The following TMEM131 variants were observed in gnomAD, a reference collection of about 807,000 sequenced individuals.
The protein encoded by TMEM131 is transmembrane protein 131.
In TMEM131, 66 loss-of-function variants were observed where a neutral mutation model predicts 211.6. That is an observed-to-expected ratio of 0.31 (90% CI 0.26 to 0.38). The LOEUF is 0.38. Among genes scored for constraint, TMEM131 ranks in the 10% least tolerant of loss-of-function variants. The pLI, the probability that TMEM131 is intolerant of heterozygous loss-of-function variation, is 1.00. For synonymous variants in TMEM131, 844 were observed against 841.3 expected (o/e 1.00, Z -0.06); for missense variants, 2,036 against 2,299.3 (o/e 0.89, Z 2.34).
chr2:97,980,666 C>T (rs1262045566), intron 1 of TMEM131, among the ~76,000 whole-genome samples: 1 of 152,040 alleles, frequency 6.6e-6, no homozygotes, highest in Non-Finnish European at 1.5e-5. Flanking sequence ...TGCAAACAAC[C>T]CAAAATTTCA....
At position 97,995,698 on chromosome 2, in the gene TMEM131, G is replaced by A. The variant is rs1680480341; in HGVS notation, c.-36C>T. On this transcript the variant is annotated 5_prime_UTR_variant, in exon 1 of 41. Coordinates refer to ENST00000186436, the MANE Select transcript of TMEM131 (RefSeq NM_015348.2). ...CGGGGGCCGCCGCGCTCGAGGTCCG[G>A]CGCGGCCCTTCTCGGCGAGGCGGCG... 7.6e-6 allele frequency: 9 copies of A among 1,183,582 alleles called. No homozygotes were observed. Among genetic ancestry groups the A allele is most frequent in the Non-Finnish European group, 9.4e-6 (9 of 955,896 alleles). 73.3% of individuals were successfully genotyped at this position (1,183,582 alleles called of 1,614,324 possible). A position where few individuals can be genotyped will look rare whatever the true frequency, so the allele number is the denominator to read the frequency against.
chr2:97,884,929 ACTTGTTC>A (rs1675080194), intron 4 of TMEM131, among the ~76,000 whole-genome samples: 1 of 152,202 alleles, frequency 6.6e-6, no homozygotes, highest in South Asian at 2.1e-4. Context: ...ATAGGTAAAG[ACTTGTTC>A]CTGTCATATT....
At chr2:97,765,967 G>C in intron 35 of TMEM131, 147 bp downstream of exon 35, 1 of 966,562 alleles carries the variant, frequency 1.0e-6, no homozygotes, top group Non-Finnish European at 1.5e-6. Context: ...TTTAGCCACT[G>C]ATTAGGCTAG....
rs536608924 is a variant in TMEM131 at position 97,833,285 on chromosome 2, G to C, written c.1074+80C>G. The C allele has an allele frequency of 2.7e-4, 185 of 692,072 alleles. 1 individual carries two copies. Among genetic ancestry groups the C allele is most frequent in the Admixed American group, 4.5e-4 (13 of 29,156 alleles). 42.9% of individuals were successfully genotyped at this position (692,072 alleles called of 1,614,324 possible). On this transcript the variant is annotated intron_variant, in intron 11 of 40. Coordinates refer to ENST00000186436, the MANE Select transcript of TMEM131 (RefSeq NM_015348.2). ...CCAAATATAATTATTTTAGAATAAGGGTTTAATTATTTTTAACTTTGTCAT... is the reference window on the plus strand; with the variant it reads ...CCAAATATAATTATTTTAGAATAAGCGTTTAATTATTTTTAACTTTGTCAT...
At chr2:97,983,835 G>A (rs566159099) in intron 1 of TMEM131, among the ~76,000 whole-genome samples, 30 of 152,260 alleles carry the variant, frequency 2.0e-4, no homozygotes, top group African/African-American at 6.7e-4. Context: ...ACAGTCTCAA[G>A]CAATAACAGG....
rs547476624 is a variant in TMEM131 at position 97,877,293 on chromosome 2, T to C, written c.359+10759A>G. On this transcript the variant is annotated intron_variant, in intron 4 of 40. Coordinates refer to ENST00000186436, the MANE Select transcript of TMEM131 (RefSeq NM_015348.2). Reference sequence around the variant, plus strand: ...TGGCCATACTGCCCAAAGTAATTTATAGATTCACTGCTATCCCCAACAAGC... The same window carrying C: ...TGGCCATACTGCCCAAAGTAATTTACAGATTCACTGCTATCCCCAACAAGC... 3.3e-5 allele frequency among the ~76,000 whole-genome samples: 5 copies of C among 152,334 alleles called. No individual in the cohort carries two copies. In the South Asian group the frequency reaches 6.2e-4, roughly 19 times the overall value.
Position 97,873,474 on chromosome 2 carries a change from C to G in TMEM131, c.360-14047G>C, listed in dbSNP as rs534880973. Reference sequence around the variant, plus strand: ...ACTGGGAGAAAACTCCCAGTAGGGGCCAACAGACACCTCATACAGGAGAGC... The same window carrying G: ...ACTGGGAGAAAACTCCCAGTAGGGGGCAACAGACACCTCATACAGGAGAGC... On this transcript the variant is annotated intron_variant, in intron 4 of 40. Coordinates refer to ENST00000186436, the MANE Select transcript of TMEM131 (RefSeq NM_015348.2). Among the ~76,000 whole-genome samples the G allele has an allele frequency of 5.3e-5, 8 of 152,332 alleles. No individual in the cohort carries two copies. The South Asian group carries it at 1.0e-3, about 20-fold the overall frequency.
At chr2:97,839,090 A>C (rs1315458104) in intron 7 of TMEM131, among the ~76,000 whole-genome samples, 1 of 152,192 alleles carries the variant, frequency 6.6e-6, no homozygotes. Context: ...TTGGGAGGCC[A>C]AGGTAGCGGG....
At chr2:97,810,885 T>C (rs1289797303) in intron 18 of TMEM131, among the ~76,000 whole-genome samples, 1 of 152,244 alleles carries the variant, frequency 6.6e-6, no homozygotes, top group Non-Finnish European at 1.5e-5. Context: ...AAAGCAATTC[T>C]AAACGTGCTA....
intron 6 of TMEM131, among the ~76,000 whole-genome samples, chr2:97,843,391 A>G (rs1683289040): frequency 6.6e-6 from 1 of 152,234 alleles, no homozygotes; most frequent in South Asian, 2.1e-4. Flanking sequence ...GGTGGAGTAC[A>G]GTGGTGTAAT....
chr2:97,992,566 C>T (rs1680313612), intron 1 of TMEM131, among the ~76,000 whole-genome samples: 1 of 151,978 alleles, frequency 6.6e-6, no homozygotes, highest in African/African-American at 2.4e-5. Flanking sequence ...TAAACTATAG[C>T]TTCTCATTTA....
rs1680231821 is a variant in TMEM131, at chr2:97,785,995, C to CA, written c.4144+6390dup. Among the ~76,000 whole-genome samples, 4 of 152,082 alleles carry CA rather than the reference C, an allele frequency of 2.6e-5. No individual in the cohort carries two copies. The South Asian group carries it at 8.3e-4, about 32-fold the overall frequency. Reference sequence around the variant, plus strand: ...TTCAAGAATGTTACATAAATGGAATCATAGTTGCCAGACTAAGGGGTAGGC... The same window carrying CA: ...TTCAAGAATGTTACATAAATGGAATCAATAGTTGCCAGACTAAGGGGTAGGC... On this transcript the variant is annotated intron_variant, in intron 31 of 40. Coordinates refer to ENST00000186436, the MANE Select transcript of TMEM131 (RefSeq NM_015348.2).
chr2:97,965,994 C>G lies in TMEM131; in HGVS notation c.187+29482G>C, dbSNP rs577986507. On this transcript the variant is annotated intron_variant, in intron 1 of 40. Coordinates refer to ENST00000186436, the MANE Select transcript of TMEM131 (RefSeq NM_015348.2). The stretch of plus-strand genomic sequence containing the variant: ...ATAATTCAGTAAAAGAGAAAGTAAG[C>G]AAAGCCTAGAAACAAAAAAATTGAA... Among the ~76,000 whole-genome samples the G allele has an allele frequency of 1.8e-4, 27 of 151,678 alleles. 1 individual carries two copies. The South Asian group carries it at 5.6e-3, about 32-fold the overall frequency.
intron 1 of TMEM131, among the ~76,000 whole-genome samples, chr2:97,937,535 T>C (rs973150826): frequency 1.6e-4 from 25 of 152,172 alleles, no homozygotes; most frequent in Non-Finnish European, 2.2e-4. Flanking sequence ...TTGATGTTAA[T>C]TGTAATTCTC....
chr2:97,815,343 T>C, intron 12 of TMEM131, 36 bp from the exon 13 acceptor site: 1 of 1,319,412 alleles, frequency 7.6e-7, no homozygotes, highest in South Asian at 1.4e-5. Context: ...TCTGTTACCT[T>C]TTACTACCAA....
chr2:97,855,646 G>A (rs1218891352), intron 5 of TMEM131, among the ~76,000 whole-genome samples: 1 of 151,262 alleles, frequency 6.6e-6, no homozygotes, highest in African/African-American at 2.4e-5. Context: ...GTTGCAGTGA[G>A]CTGAGATCAT....
At chr2:97,825,767 G>A (rs1682352985) in intron 11 of TMEM131, among the ~76,000 whole-genome samples, 1 of 152,244 alleles carries the variant, frequency 6.6e-6, no homozygotes, top group Non-Finnish European at 1.5e-5. Context: ...AACTGATGTA[G>A]TAGCAAAAGG....
At chr2:97,856,150 A>C (rs975958896) in intron 5 of TMEM131, among the ~76,000 whole-genome samples, 1 of 152,170 alleles carries the variant, frequency 6.6e-6, no homozygotes, top group African/African-American at 2.4e-5. Context: ...ACTTGTATAG[A>C]ATATTATTAT....
chr2:97,767,923 G>T (rs1395850008), intron 33 of TMEM131, among the ~76,000 whole-genome samples: 1 of 152,140 alleles, frequency 6.6e-6, no homozygotes, highest in Non-Finnish European at 1.5e-5. Flanking sequence ...AAGGTGAGAA[G>T]AGTTCCAACT....
Sources: allele counts gnomAD v4.1 joint callset (sites outside exome capture counted in the v4.1 genomes callset), GRCh38; gene constraint gnomAD v4.1.1; transcripts MANE v1.5; gene names NCBI Gene and HGNC (gene_info 2026-07-23, HGNC 2026-07-21).